The following XYLT1 variants were observed in gnomAD, a reference collection of about 807,000 sequenced individuals.
XYLT1 encodes the protein beta-D-xylosyltransferase 1.
XYLT1 carries 36 observed loss-of-function variants against 91.3 expected under a neutral mutation model. That is an observed-to-expected ratio of 0.39 (90% CI 0.30 to 0.52). The LOEUF (loss-of-function observed/expected upper bound fraction) is 0.52, where lower values mean the gene tolerates loss of function less well. XYLT1 is among the 20% of genes least tolerant of loss of function. The pLI, the probability that XYLT1 is intolerant of heterozygous loss-of-function variation, is 0.68. For missense variants in XYLT1, 1,242 were observed against 1,284.5 expected (o/e 0.97, Z 0.51); for synonymous variants, 588 against 532.0 (o/e 1.11, Z -1.45).
At chr16:17,305,519 G>A (rs1355435953) in intron 2 of XYLT1, among the ~76,000 whole-genome samples, 1 of 150,614 alleles carries the variant, frequency 6.6e-6, no homozygotes. Context: ...GGGTTCAAGC[G>A]ATTCTTCTGC....
At chr16:17,405,859 T>C (rs1221867006) in intron 1 of XYLT1, among the ~76,000 whole-genome samples, 1 of 152,212 alleles carries the variant, frequency 6.6e-6, no homozygotes, top group Non-Finnish European at 1.5e-5. Context: ...AGTTACTTCC[T>C]ATCCATACAG....
chr16:17,182,579 T>A (rs1241483423), intron 5 of XYLT1, among the ~76,000 whole-genome samples: 1 of 151,926 alleles, frequency 6.6e-6, no homozygotes, highest in East Asian at 1.9e-4. Context: ...CAGGTCAGGC[T>A]GATATTGCAT....
rs1016385618 is a variant in XYLT1, at chr16:17,386,988, G to A, written c.364-28938C>T. Among the ~76,000 whole-genome samples, 20 of 152,166 alleles carry A rather than the reference G, an allele frequency of 1.3e-4. 1 individual carries two copies. Among genetic ancestry groups the A allele is most frequent in the Middle Eastern group, 3.2e-3 (1 of 316 alleles). ...AAAGGTAAGATCCTTGTCTCAAAGA[G>A]GGCACAGAACAGCCACGGAGGTCAA... On this transcript the variant is annotated intron_variant, in intron 1 of 11. Coordinates refer to ENST00000261381, the MANE Select transcript of XYLT1 (RefSeq NM_022166.4).
chr16:17,312,062 A>G lies in XYLT1; in HGVS notation c.402+45950T>C, dbSNP rs2034560119. On this transcript the variant is annotated intron_variant, in intron 2 of 11. Transcript: ENST00000261381. This position sits in a 1 kb window ranked among gnomAD's most constrained non-coding sequence, Gnocchi z 4.4. ...ACCATATCAATGGGGGTTTAAGCAG[A>G]GGTCTGAGGCCCAGAAAGGCCTTCT... Among the ~76,000 whole-genome samples the G allele has an allele frequency of 6.6e-6, 1 of 152,150 alleles. No homozygotes were observed. The highest frequency in any genetic ancestry group is 1.5e-5 in the Non-Finnish European group (1 of 68,036).
At chr16:17,462,714 C>A (rs946070569) in intron 1 of XYLT1, among the ~76,000 whole-genome samples, 1 of 152,086 alleles carries the variant, frequency 6.6e-6, no homozygotes, top group Non-Finnish European at 1.5e-5. Context: ...TTGTCCCCGG[C>A]CAAAGAACCC....
At chr16:17,115,633 C>G (rs1213461159) in intron 11 of XYLT1, among the ~76,000 whole-genome samples, 1 of 151,482 alleles carries the variant, frequency 6.6e-6, no homozygotes, top group Non-Finnish European at 1.5e-5. Flanking sequence ...CGCCGGCCAC[C>G]ACACTCGGCT....
intron 3 of XYLT1, among the ~76,000 whole-genome samples, chr16:17,228,625 C>T (rs1310967950): frequency 1.3e-5 from 2 of 152,022 alleles, no homozygotes; most frequent in African/African-American, 2.4e-5. Flanking sequence ...GGCTTCTGAT[C>T]GGTGGAGGCT....
intron 1 of XYLT1, among the ~76,000 whole-genome samples, chr16:17,464,567 G>A (rs958263459): frequency 6.6e-5 from 10 of 150,754 alleles, no homozygotes; most frequent in East Asian, 3.9e-4. Context: ...AAATGTTGGC[G>A]GTAATGAATA....
chr16:17,191,830 G>A (rs2032316472), intron 5 of XYLT1, among the ~76,000 whole-genome samples: 1 of 152,198 alleles, frequency 6.6e-6, no homozygotes, highest in South Asian at 2.1e-4. Flanking sequence ...TCCATGTGGT[G>A]GGCCCTGATA....
chr16:17,409,776 C>T (rs935220812), intron 1 of XYLT1, among the ~76,000 whole-genome samples: 2 of 151,978 alleles, frequency 1.3e-5, no homozygotes, highest in African/African-American at 4.8e-5. Flanking sequence ...TCTCGAACTC[C>T]TGACCTCAAG....
At chr16:17,238,275 A>G (rs2033279395) in intron 3 of XYLT1, among the ~76,000 whole-genome samples, 1 of 152,240 alleles carries the variant, frequency 6.6e-6, no homozygotes, top group African/African-American at 2.4e-5. Context: ...CTTTTGTCTT[A>G]GAACAGGAGT....
chr16:17,279,471 C>T lies in XYLT1; in HGVS notation c.403-19973G>A, dbSNP rs553058848. Among the ~76,000 whole-genome samples, 12 of 152,326 alleles carry T rather than the reference C, an allele frequency of 7.9e-5. No homozygotes were observed. In the East Asian group the frequency reaches 2.3e-3, roughly 29 times the overall value. On this transcript the variant is annotated intron_variant, in intron 2 of 11. Coordinates refer to ENST00000261381, the MANE Select transcript of XYLT1 (RefSeq NM_022166.4). ...CAGGGATTTAAGCCATAGCACCAGA[C>T]CTGGGAGCCAAGCTAATATTCCCTC...
chr16:17,470,805 C>T lies in XYLT1; in HGVS notation c.-9G>A, dbSNP rs749566734. On this transcript the variant is annotated 5_prime_UTR_variant, in exon 1 of 12. Transcript: ENST00000261381. ...CACGGCGCCGCCACCATCTTCGGAG[C>T]GCGGCCGGCGAGCGAGGCGCGGGGA... 2 of 946,774 alleles carry T rather than the reference C, an allele frequency of 2.1e-6. No individual in the cohort carries two copies. Among genetic ancestry groups the T allele is most frequent in the Non-Finnish European group, 2.4e-6 (2 of 819,498 alleles). 58.6% of individuals were successfully genotyped at this position (946,774 alleles called of 1,614,324 possible). A position where few individuals can be genotyped will look rare whatever the true frequency, so the allele number is the denominator to read the frequency against.
chr16:17,421,165 T>C (rs1178989126), intron 1 of XYLT1, among the ~76,000 whole-genome samples: 1 of 152,192 alleles, frequency 6.6e-6, no homozygotes, highest in Non-Finnish European at 1.5e-5. Flanking sequence ...CTCAGACATA[T>C]ATTTCGATCT....
intron 9 of XYLT1, among the ~76,000 whole-genome samples, chr16:17,129,638 G>A (rs981786554): frequency 3.3e-5 from 5 of 152,180 alleles, no homozygotes; most frequent in Non-Finnish European, 7.3e-5. Context: ...CTTTAGTGAT[G>A]ATTTGTGAGA....
chr16:17,119,038 A>T (rs1227806535), intron 10 of XYLT1, among the ~76,000 whole-genome samples: 1 of 151,894 alleles, frequency 6.6e-6, no homozygotes, highest in Non-Finnish European at 1.5e-5. Context: ...TTTTCTTCCT[A>T]TCAGTGGTGA....
At chr16:17,231,575 TTG>T (rs1223561695) in intron 3 of XYLT1, among the ~76,000 whole-genome samples, 10 of 152,278 alleles carry the variant, frequency 6.6e-5, no homozygotes, top group African/African-American at 2.4e-4. Flanking sequence ...TGAGATTTTG[TTG>T]CTGTGAGACT....
chr16:17,393,364 G>A (rs550963796), intron 1 of XYLT1, among the ~76,000 whole-genome samples: 1 of 152,272 alleles, frequency 6.6e-6, no homozygotes, highest in African/African-American at 2.4e-5. Flanking sequence ...GATAAACTGT[G>A]GAGTGGTGAA....
chr16:17,131,255 C>T (rs537732426), intron 9 of XYLT1, among the ~76,000 whole-genome samples: 436 of 152,344 alleles, frequency 2.9e-3, no homozygotes, highest in Non-Finnish European at 5.3e-3. Flanking sequence ...GATGCCTCAT[C>T]CTGACTGTAT....
Sources: allele counts gnomAD v4.1 joint callset (sites outside exome capture counted in the v4.1 genomes callset), GRCh38; gene constraint gnomAD v4.1.1; non-coding constraint Gnocchi (gnomAD v3.1); transcripts MANE v1.5; gene names NCBI Gene and HGNC (gene_info 2026-07-23, HGNC 2026-07-21).